EYA4: variants seen among roughly 807,000 people sequenced by gnomAD.
The protein encoded by EYA4 is EYA transcriptional coactivator and phosphatase 4.
EYA4 carries 31 observed loss-of-function variants against 87.9 expected under a neutral mutation model. The observed-to-expected ratio is 0.35, with a 90% CI of 0.27 to 0.48. EYA4 has a LOEUF of 0.48. Among genes scored for constraint, EYA4 ranks in the 20% least tolerant of loss-of-function variants. The probability of loss-of-function intolerance (pLI) is 0.99; values close to 1 mark genes in which losing one functional copy is unlikely to be tolerated. For missense variants in EYA4, 678 were observed against 761.4 expected, an observed-to-expected ratio of 0.89 and a Z score of 1.29; for synonymous variants, 263 against 270.6, an observed-to-expected ratio of 0.97 and a Z score of 0.28.
chr6:133,274,763 G>A lies in EYA4; in HGVS notation c.-18G>A. ...AGCTGCTTCTACTTGGGAGTGGCAGGAGAAGTGAGAAAACCACATGGAAGA... is the reference window on the plus strand; with the variant it reads ...AGCTGCTTCTACTTGGGAGTGGCAGAAGAAGTGAGAAAACCACATGGAAGA... On this transcript the variant is annotated 5_prime_UTR_variant, in exon 2 of 20. Transcript: ENST00000355286. 6.2e-7 allele frequency: 1 copy of A among 1,611,320 alleles called. No individual in the cohort carries two copies. The highest frequency in any genetic ancestry group is 8.5e-7 in the Non-Finnish European group (1 of 1,177,650).
At chr6:133,363,522 T>G (rs1391212755) in intron 2 of EYA4, 1 of 150,498 alleles carries the variant, frequency 6.6e-6, no homozygotes, top group Non-Finnish European at 1.5e-5. Flanking sequence ...TCACCCAGTC[T>G]GGAGTGCAGT....
At chr6:133,399,116 T>C (rs1216815768) in intron 3 of EYA4, among the ~76,000 whole-genome samples, 4 of 152,200 alleles carry the variant, frequency 2.6e-5, no homozygotes, top group African/African-American at 9.6e-5. Flanking sequence ...TAAATTCAGG[T>C]CAGCATGCAA....
intron 2 of EYA4, among the ~76,000 whole-genome samples, chr6:133,299,917 A>C (rs1779246093): frequency 7.2e-6 from 1 of 139,224 alleles, no homozygotes; most frequent in African/African-American, 2.8e-5. Flanking sequence ...ATATGTATAT[A>C]TAAAGATCTC....
intron 18 of EYA4, 27 bp from the exon 19 acceptor site, chr6:133,525,127 C>T: frequency 6.2e-7 from 1 of 1,613,580 alleles, no homozygotes; most frequent in Admixed American, 1.7e-5. Context: ...TAACTTCACT[C>T]TGAACTTTAT....
chr6:133,439,049 C>CAAAAAAAACAAAAAAAAAAAAAAAAAAA (rs1791995649), intron 3 of EYA4, among the ~76,000 whole-genome samples: 1 of 64,024 alleles, frequency 1.6e-5, no homozygotes, highest in Non-Finnish European at 2.6e-5. Context: ...GACTCCGTCT[C>CAAAAAAAACAAAAAAAAAAAAAAAAAAA]AAAAAAAAAA....
intron 2 of EYA4, among the ~76,000 whole-genome samples, chr6:133,379,062 G>C (rs1215421088): frequency 1.3e-5 from 2 of 151,814 alleles, no homozygotes. Context: ...TTTTTGGCAT[G>C]AAATTCTGAC....
chr6:133,529,189 C>T lies in EYA4; in HGVS notation c.*384C>T, dbSNP rs1313681392. Reference sequence around the variant, plus strand: ...CTCAAAATGGGAGATCTTCTCAGCCCTGAGGTTTGAATCTGACTTTAGCCT... The same window carrying T: ...CTCAAAATGGGAGATCTTCTCAGCCTTGAGGTTTGAATCTGACTTTAGCCT... On this transcript the variant is annotated 3_prime_UTR_variant, in exon 20 of 20. Coordinates refer to ENST00000355286, the MANE Select transcript of EYA4 (RefSeq NM_004100.5). 2 of 1,162,086 alleles carry T rather than the reference C, an allele frequency of 1.7e-6. No homozygotes were observed. The highest frequency in any genetic ancestry group is 1.1e-6 in the Non-Finnish European group (1 of 932,088). 72.0% of individuals were successfully genotyped at this position (1,162,086 alleles called of 1,614,324 possible). A position where few individuals can be genotyped will look rare whatever the true frequency, so the allele number is the denominator to read the frequency against.
intron 16 of EYA4, among the ~76,000 whole-genome samples, chr6:133,514,229 G>A (rs1799403848): frequency 6.6e-6 from 1 of 152,150 alleles, no homozygotes; most frequent in Admixed American, 6.6e-5. Flanking sequence ...CTGATTTCCT[G>A]ATTTGCTCTA....
intron 10 of EYA4, among the ~76,000 whole-genome samples, chr6:133,465,804 G>A (rs1333475385): frequency 6.6e-6 from 1 of 151,950 alleles, no homozygotes; most frequent in East Asian, 1.9e-4. Context: ...CTTTATTTTA[G>A]TTTTATTGAT....
Position 133,512,945 on chromosome 6 carries a change from GGT to G in EYA4, c.1411_1412del (p.Val471LysfsTer5). On this transcript the variant is annotated frameshift_variant, in exon 16 of 20. Transcript: ENST00000355286. LOFTEE classifies it high-confidence loss of function. ...ASSANLCLPT[G>X]VRGGVDWMRK... ...TAGTGCAAACCTTTGTTTGCCAACA[GGT>G]GTAAGAGGAGGGGTTGACTGGATGA... The G allele has an allele frequency of 6.2e-7, 1 of 1,614,098 alleles. No homozygotes were observed. The highest frequency in any genetic ancestry group is 8.5e-7 in the Non-Finnish European group (1 of 1,179,976).
intron 2 of EYA4, among the ~76,000 whole-genome samples, chr6:133,346,187 A>G (rs2128416137): frequency 6.6e-6 from 1 of 152,298 alleles, no homozygotes; most frequent in African/African-American, 2.4e-5. Flanking sequence ...GAGTTATGTC[A>G]TCTGTATGTT....
At chr6:133,330,549 TTATA>T (rs1284047392) in intron 2 of EYA4, among the ~76,000 whole-genome samples, 61 of 134,808 alleles carry the variant, frequency 4.5e-4, no homozygotes, top group Middle Eastern at 3.6e-3. Context: ...ATACTGAGAT[TTATA>T]TATATATATA....
chr6:133,356,644 A>AT lies in EYA4; in HGVS notation c.34-25747dup, dbSNP rs879304244. ...TATGAAGCAAGCCTTATAATAAGAT[A>AT]TAAGGACCAAAGAGTATAGTGAATG... is the stretch of plus-strand genomic sequence containing the variant. On this transcript the variant is annotated intron_variant, in intron 2 of 19. Transcript: ENST00000355286. Among the ~76,000 whole-genome samples, 55 of 152,238 alleles carry AT rather than the reference A, an allele frequency of 3.6e-4. 1 individual carries two copies. The highest frequency in any genetic ancestry group is 7.8e-4 in the Admixed American group (12 of 15,300).
At chr6:133,347,608 A>G (rs112577417) in intron 2 of EYA4, among the ~76,000 whole-genome samples, 1,632 of 152,262 alleles carry the variant, frequency 0.011, 28 homozygotes, top group Admixed American at 0.039. Flanking sequence ...GCTAACCCCT[A>G]TTATGCATTA....
chr6:133,271,911 G>A (rs115008049), intron 1 of EYA4, among the ~76,000 whole-genome samples: 3,839 of 152,240 alleles, frequency 0.025, 128 homozygotes, highest in African/African-American at 0.082. Context: ...TACCTTCCTG[G>A]TTTTTGATCA....
chr6:133,289,160 G>A (rs9375953), intron 2 of EYA4, among the ~76,000 whole-genome samples: 27,095 of 152,086 alleles, frequency 0.18, 2,883 homozygotes, highest in East Asian at 0.42. Context: ...GGATGATGAG[G>A]TTAATGGAGA....
chr6:133,493,271 G>A (rs890738708), intron 13 of EYA4, among the ~76,000 whole-genome samples: 3 of 152,040 alleles, frequency 2.0e-5, no homozygotes, highest in South Asian at 4.1e-4. Context: ...GAAAAGAATA[G>A]AGTACCTAGA....
intron 2 of EYA4, among the ~76,000 whole-genome samples, chr6:133,321,081 A>G (rs940243179): frequency 6.6e-6 from 1 of 152,218 alleles, no homozygotes; most frequent in South Asian, 2.1e-4. Context: ...ATAAACAAAA[A>G]TATTTTTGAA....
At chr6:133,294,567 C>CT (rs1186312035) in intron 2 of EYA4, among the ~76,000 whole-genome samples, 12 of 151,374 alleles carry the variant, frequency 7.9e-5, no homozygotes, top group African/African-American at 2.4e-4. Context: ...ATTTCTTCTT[C>CT]TTTTTTTAAT....
Sources: gnomAD v4.1 joint callset for allele counts (sites outside exome capture counted in the v4.1 genomes callset) on GRCh38, gnomAD v4.1.1 for gene constraint, MANE v1.5 for transcripts, NCBI Gene and HGNC (gene_info 2026-07-23, HGNC 2026-07-21) for gene names.